SCHIP1: variants seen among roughly 807,000 people sequenced by gnomAD.
SCHIP1 encodes schwannomin interacting protein 1.
SCHIP1 carries 8 observed loss-of-function variants against 29.7 expected under a neutral mutation model. The observed-to-expected ratio is 0.27, with a 90% CI of 0.16 to 0.49. The LOEUF (loss-of-function observed/expected upper bound fraction) is 0.49. Among genes scored for constraint, SCHIP1 ranks in the 20% least tolerant of loss-of-function variants. SCHIP1 has a pLI of 0.99. For synonymous variants in SCHIP1, 76 were observed against 94.9 expected, an observed-to-expected ratio of 0.80 and a Z score of 1.16; for missense variants, 193 against 294.6, an observed-to-expected ratio of 0.66 and a Z score of 2.52.
the SCHIP1 span, among the ~76,000 whole-genome samples, chr3:159,628,841 TTA>T: frequency 6.6e-6 from 1 of 152,192 alleles, no homozygotes; most frequent in Non-Finnish European, 1.5e-5. Flanking sequence ...CAGCACCTGA[TTA>T]TGTTTTAAAG....
At chr3:159,332,886 G>C in the SCHIP1 span, among the ~76,000 whole-genome samples, 10 of 152,242 alleles carry the variant, frequency 6.6e-5, no homozygotes, top group African/African-American at 2.4e-4. Flanking sequence ...TATGTTTCTG[G>C]GTTTTTACTG....
the SCHIP1 span, among the ~76,000 whole-genome samples, chr3:159,595,716 A>G: frequency 1.3e-5 from 2 of 152,194 alleles, no homozygotes; most frequent in Non-Finnish European, 2.9e-5. Flanking sequence ...TCCTAGCCTA[A>G]AGAGGAATAT....
At chr3:159,291,665 A>G in the SCHIP1 span, among the ~76,000 whole-genome samples, 2 of 152,250 alleles carry the variant, frequency 1.3e-5, no homozygotes, top group East Asian at 3.9e-4. Context: ...TCTTGCTGTA[A>G]TTCAACCCAA....
At chr3:159,475,944 G>A in the SCHIP1 span, among the ~76,000 whole-genome samples, 1 of 152,156 alleles carries the variant, frequency 6.6e-6, no homozygotes, top group Non-Finnish European at 1.5e-5. Flanking sequence ...GTTTAGACAA[G>A]GACCCACATT....
At chr3:159,894,314 A>C (rs568069708) in intron 6 of SCHIP1, 1 of 152,254 alleles carries the variant, frequency 6.6e-6, no homozygotes, top group South Asian at 2.1e-4. Flanking sequence ...TTCTCCCCTT[A>C]TATGGACTGT....
chr3:159,543,202 TG>T, the SCHIP1 span, among the ~76,000 whole-genome samples: 24 of 151,714 alleles, frequency 1.6e-4, no homozygotes, highest in East Asian at 1.2e-3. Context: ...TGTTTTGTTT[TG>T]TTTTTTTATT....
the SCHIP1 span, among the ~76,000 whole-genome samples, chr3:159,381,896 C>T: frequency 6.6e-6 from 1 of 152,248 alleles, no homozygotes; most frequent in South Asian, 2.1e-4. Flanking sequence ...CTGTGTCCAG[C>T]CATTTGCCTG....
At chr3:159,704,651 T>C in the SCHIP1 span, among the ~76,000 whole-genome samples, 1 of 152,072 alleles carries the variant, frequency 6.6e-6, no homozygotes, top group Non-Finnish European at 1.5e-5. Context: ...GCAATTCCAC[T>C]GAAAATTAAA....
At chr3:159,889,318 A>G (rs1477480491) in intron 5 of SCHIP1, among the ~76,000 whole-genome samples, 1 of 152,244 alleles carries the variant, frequency 6.6e-6, no homozygotes, top group Non-Finnish European at 1.5e-5. Context: ...AGGTATCATC[A>G]TCATCAATAA....
chr3:159,613,282 T>A, the SCHIP1 span, among the ~76,000 whole-genome samples: 1 of 152,194 alleles, frequency 6.6e-6, no homozygotes, highest in Non-Finnish European at 1.5e-5. Context: ...AAAATCTGAT[T>A]TTTTTATGTC....
the SCHIP1 span, among the ~76,000 whole-genome samples, chr3:159,750,246 G>GGTGT: frequency 1.3e-4 from 5 of 38,616 alleles, no homozygotes; most frequent in East Asian, 2.0e-3. Context: ...AATATATATA[G>GGTGT]GTGTGTATGT....
At chr3:159,841,988 A>G (rs1391922982) in intron 1 of SCHIP1, among the ~76,000 whole-genome samples, 1 of 152,160 alleles carries the variant, frequency 6.6e-6, no homozygotes, top group Non-Finnish European at 1.5e-5. Context: ...CCAAATCTTA[A>G]TCCCACTTAG....
chr3:159,887,688 T>C lies in SCHIP1; in HGVS notation c.268-20T>C, dbSNP rs771160903. ...GCTGGCATGCATGGAAGGCTCAGGC[T>C]GCTCTTTTTCCCTTTGCAGAGCAAA... is the stretch of plus-strand genomic sequence containing the variant. On this transcript the variant is annotated intron_variant, in intron 3 of 6. Transcript: ENST00000445224. 17 of 1,613,472 alleles carry C rather than the reference T, an allele frequency of 1.1e-5. No homozygotes were observed. Among genetic ancestry groups the C allele is most frequent in the Non-Finnish European group, 1.4e-5 (17 of 1,179,618 alleles).
the SCHIP1 span, among the ~76,000 whole-genome samples, chr3:159,752,673 G>A: frequency 6.6e-6 from 1 of 152,164 alleles, no homozygotes; most frequent in Non-Finnish European, 1.5e-5. Context: ...CAGCTCTCTC[G>A]AGAACTCACT....
chr3:159,434,556 C>G, the SCHIP1 span, among the ~76,000 whole-genome samples: 1 of 152,230 alleles, frequency 6.6e-6, no homozygotes, highest in African/African-American at 2.4e-5. Flanking sequence ...GTTACCAAAG[C>G]TGCAGGCATG....
At chr3:159,703,379 T>C in the SCHIP1 span, among the ~76,000 whole-genome samples, 1 of 152,334 alleles carries the variant, frequency 6.6e-6, no homozygotes, top group East Asian at 1.9e-4. Flanking sequence ...AGAGGAAAAG[T>C]TGAAGTCATG....
chr3:159,382,876 C>A, the SCHIP1 span, among the ~76,000 whole-genome samples: 3 of 152,114 alleles, frequency 2.0e-5, no homozygotes, highest in Admixed American at 6.6e-5. Flanking sequence ...AGCATTTTTG[C>A]ATGTCTTTTT....
the SCHIP1 span, among the ~76,000 whole-genome samples, chr3:159,710,853 G>A: frequency 6.6e-6 from 1 of 152,262 alleles, no homozygotes; most frequent in South Asian, 2.1e-4. Flanking sequence ...AGTAGGGCTA[G>A]TACACAACAT....
the SCHIP1 span, among the ~76,000 whole-genome samples, chr3:159,497,930 C>T: frequency 7.9e-3 from 1,205 of 152,244 alleles, 23 homozygotes; most frequent in Admixed American, 0.044. Flanking sequence ...TCATTATGTG[C>T]TCATTTTACA....
Sources: allele counts gnomAD v4.1 joint callset (sites outside exome capture counted in the v4.1 genomes callset), GRCh38; gene constraint gnomAD v4.1.1; transcripts MANE v1.5; gene names NCBI Gene and HGNC (gene_info 2026-07-23, HGNC 2026-07-21).